Variants in COL14A1 observed in about 807,000 individuals in gnomAD.
The protein encoded by COL14A1 is collagen type XIV alpha 1 chain, also known as collagen alpha-1(XIV) chain.
A neutral mutation model predicts 230.3 loss-of-function variants in COL14A1; 136 were observed. The ratio of observed to expected loss-of-function variants is 0.59; its 90% CI spans 0.51 to 0.68. The LOEUF is 0.68. Among genes scored for constraint, COL14A1 ranks in the 30% least tolerant of loss-of-function variants. The pLI is 0.00. For synonymous variants in COL14A1, 792 were observed against 784.1 expected, an observed-to-expected ratio of 1.01 and a Z score of -0.17; for missense variants, 1,976 against 2,215.8, an observed-to-expected ratio of 0.89 and a Z score of 2.17.
intron 5 of COL14A1, among the ~76,000 whole-genome samples, chr8:120,172,777 G>T (rs1554601623): frequency 6.6e-6 from 1 of 152,170 alleles, no homozygotes; most frequent in Non-Finnish European, 1.5e-5. Flanking sequence ...AATTTGTAAG[G>T]ATATAGCCCT....
intron 40 of COL14A1, among the ~76,000 whole-genome samples, chr8:120,326,354 C>T (rs1013694152): frequency 1.2e-4 from 19 of 152,316 alleles, no homozygotes; most frequent in Admixed American, 2.6e-4. Flanking sequence ...CATTGTTTGA[C>T]TATCCTCAAA....
chr8:120,250,475 G>A, intron 21 of COL14A1, 142 bp from the exon 22 acceptor site: 1 of 853,368 alleles, frequency 1.2e-6, no homozygotes, highest in Non-Finnish European at 1.9e-6. Context: ...GATGAGACCA[G>A]ATTCAAACCT....
chr8:120,265,260 C>G (rs916909126), intron 24 of COL14A1, among the ~76,000 whole-genome samples: 1 of 152,026 alleles, frequency 6.6e-6, no homozygotes, highest in East Asian at 1.9e-4. Flanking sequence ...GATTTATTGA[C>G]CAGACTTAGG....
intron 40 of COL14A1, among the ~76,000 whole-genome samples, chr8:120,316,552 G>A (rs952144104): frequency 6.6e-6 from 1 of 152,084 alleles, no homozygotes; most frequent in East Asian, 1.9e-4. Context: ...TGAGGTTCTT[G>A]TTCTCAAAGA....
At chr8:120,359,813 G>C (rs1243168334) in intron 45 of COL14A1, among the ~76,000 whole-genome samples, 1 of 152,100 alleles carries the variant, frequency 6.6e-6, no homozygotes, top group Non-Finnish European at 1.5e-5. Flanking sequence ...GTTGTGAATG[G>C]TCAACCTGCA....
intron 19 of COL14A1, among the ~76,000 whole-genome samples, chr8:120,235,632 T>A (rs1237088829): frequency 6.6e-6 from 1 of 152,110 alleles, no homozygotes; most frequent in East Asian, 1.9e-4. Context: ...TCTGCTCTGA[T>A]CTTAGTTATT....
At chr8:120,291,732 T>G (rs577286647) in intron 34 of COL14A1, among the ~76,000 whole-genome samples, 21 of 152,062 alleles carry the variant, frequency 1.4e-4, no homozygotes, top group Admixed American at 2.6e-4. Context: ...GAGCAACTAT[T>G]ATTATTGAAG....
At chr8:120,289,139 G>A (rs1820294263) in intron 33 of COL14A1, among the ~76,000 whole-genome samples, 1 of 152,054 alleles carries the variant, frequency 6.6e-6, no homozygotes, top group Non-Finnish European at 1.5e-5. Context: ...TTCCCCCTCA[G>A]ATTCTAGATC....
At position 120,196,890 on chromosome 8, in the gene COL14A1, A is replaced by T. The variant is rs764685863; in HGVS notation, c.536A>T (p.His179Leu). 6.2e-7 allele frequency: 1 copy of T among 1,614,130 alleles called. No homozygotes were observed. Among genetic ancestry groups the T allele is most frequent in the Non-Finnish European group, 8.5e-7 (1 of 1,180,010 alleles). The change falls in exon 6 of 48, where the codon CAT becomes CTT. Residue 179 changes from histidine to leucine, a missense_variant. His to Leu is a moderately conservative substitution (Grantham distance 99). This residue lies in a region of COL14A1 where 1,791 missense variants were observed against 2,019.5 expected (regional missense o/e 0.89). Coordinates refer to ENST00000297848, the MANE Select transcript of COL14A1 (RefSeq NM_021110.4). ...IGRFNFRLVRHFLENLVTAFD... is the reference protein window; with the variant it reads ...IGRFNFRLVRLFLENLVTAFD... ...AGATTCAACTTCAGACTGGTTCGGC[A>T]TTTCTTGGAAAACCTGGTTACAGCA...
At chr8:120,323,264 TG>T (rs1254360086) in intron 40 of COL14A1, among the ~76,000 whole-genome samples, 3 of 152,212 alleles carry the variant, frequency 2.0e-5, no homozygotes, top group South Asian at 2.1e-4. Flanking sequence ...TTAATGGAGT[TG>T]TTTTTTTTTC....
At chr8:120,357,381 T>G (rs1395163978) in intron 45 of COL14A1, among the ~76,000 whole-genome samples, 1 of 152,122 alleles carries the variant, frequency 6.6e-6, no homozygotes, top group African/African-American at 2.4e-5. Flanking sequence ...GAATTCATTT[T>G]CAACGCATAG....
intron 4 of COL14A1, among the ~76,000 whole-genome samples, chr8:120,166,655 A>AG (rs1815885228): frequency 1.3e-5 from 2 of 152,160 alleles, no homozygotes; most frequent in African/African-American, 4.8e-5. Flanking sequence ...GTGGGGTTGA[A>AG]GATACAGATT....
At chr8:120,129,349 A>G (rs543346378) in intron 1 of COL14A1, among the ~76,000 whole-genome samples, 23 of 152,362 alleles carry the variant, frequency 1.5e-4, no homozygotes, top group African/African-American at 5.3e-4. Flanking sequence ...TGTACATTGT[A>G]GTTAAAAACA....
intron 42 of COL14A1, among the ~76,000 whole-genome samples, chr8:120,340,089 T>TTCC: frequency 7.7e-6 from 1 of 130,698 alleles, no homozygotes; most frequent in Non-Finnish European, 1.6e-5. Flanking sequence ...GTGTATGTGG[T>TTCC]GTATGTTTGT....
chr8:120,269,497 A>G (rs1819593136), intron 25 of COL14A1, among the ~76,000 whole-genome samples: 1 of 151,766 alleles, frequency 6.6e-6, no homozygotes, highest in Admixed American at 6.6e-5. Flanking sequence ...TTTAACCAAG[A>G]TTAGAATTTG....
intron 5 of COL14A1, among the ~76,000 whole-genome samples, chr8:120,186,015 C>T (rs1293568774): frequency 6.6e-6 from 1 of 152,106 alleles, no homozygotes; most frequent in East Asian, 1.9e-4. Flanking sequence ...TCAGGTGATC[C>T]ACCCACCTCA....
At chr8:120,129,197 T>C (rs1249933933) in intron 1 of COL14A1, among the ~76,000 whole-genome samples, 2 of 152,126 alleles carry the variant, frequency 1.3e-5, no homozygotes, top group African/African-American at 2.4e-5. Context: ...TAGTGTTCAA[T>C]GCTGCAGAAT....
rs1236074632 is a variant in COL14A1 at position 120,197,932 on chromosome 8, T to TA, written c.712+3dup. On this transcript the variant is annotated splice_region_variant and intron_variant, in intron 7 of 47. Coordinates refer to ENST00000297848, the MANE Select transcript of COL14A1 (RefSeq NM_021110.4). ...ATAAAGGAGGAAATACACTAACAGG[T>TA]ATGTTTTGTTCAATCCATGTTATAA... 6.2e-7 allele frequency: 1 copy of TA among 1,613,236 alleles called. No homozygotes were observed. The highest frequency in any genetic ancestry group is 8.5e-7 in the Non-Finnish European group (1 of 1,179,456).
chr8:120,189,441 T>G (rs1816745548), intron 5 of COL14A1, among the ~76,000 whole-genome samples: 1 of 152,008 alleles, frequency 6.6e-6, no homozygotes. Context: ...AAAAAATATC[T>G]TCCTATGAGT....
Sources: allele counts gnomAD v4.1 joint callset (sites outside exome capture counted in the v4.1 genomes callset), GRCh38; gene constraint gnomAD v4.1.1; regional missense constraint gnomAD v4.1.1; transcripts MANE v1.5; gene names NCBI Gene and HGNC (gene_info 2026-07-23, HGNC 2026-07-21).